Variants in ZNF740 observed in about 807,000 individuals in gnomAD.
The protein encoded by ZNF740 is zinc finger protein 740, also known as oriLyt TD-element-binding protein 7.
Under a neutral mutation model 24.8 loss-of-function variants are expected in ZNF740, and 14 were observed. The ratio of observed to expected loss-of-function variants is 0.56; its 90% CI spans 0.37 to 0.88. The LOEUF is 0.88. Ranked by LOEUF, ZNF740 falls within the 40% of genes least tolerant of loss-of-function variation. The pLI is 0.00. For missense variants in ZNF740, 201 were observed against 247.9 expected, an observed-to-expected ratio of 0.81 and a Z score of 1.27; for synonymous variants, 69 against 84.0, an observed-to-expected ratio of 0.82 and a Z score of 0.98.
intron 1 of ZNF740, 43 bp downstream of exon 1, chr12:53,180,880 GGCAGC>G: frequency 8.3e-7 from 1 of 1,203,502 alleles, no homozygotes; most frequent in Non-Finnish European, 1.1e-6. Context: ...CCGTACAGAC[GGCAGC>G]GCTTCAGTAG....
chr12:53,189,340 TGCCAAGCTG>T lies in ZNF740; in HGVS notation c.*1751_*1759del, dbSNP rs1160987767. The T allele has an allele frequency of 2.0e-5, 3 of 151,136 alleles. No individual in the cohort carries two copies. Among genetic ancestry groups the T allele is most frequent in the African/African-American group, 7.3e-5 (3 of 41,044 alleles). The allele number at this position is 151,136 out of a possible 1,614,324, so 9.4% of individuals were successfully genotyped here. On this transcript the variant is annotated 3_prime_UTR_variant, in exon 7 of 7. Coordinates refer to ENST00000416904, the MANE Select transcript of ZNF740 (RefSeq NM_001004304.4). The stretch of plus-strand genomic sequence containing the variant: ...ATCATGGAGACTGGCTGAACCTGAG[TGCCAAGCTG>T]TCAGTAGGGTCTGAGATGGGAAACT...
Position 53,189,826 on chromosome 12 carries a change from G to A in ZNF740, c.*2236G>A, listed in dbSNP as rs1313033797. The A allele has an allele frequency of 2.0e-5, 3 of 152,108 alleles. No homozygotes were observed. The highest frequency in any genetic ancestry group is 4.4e-5 in the Non-Finnish European group (3 of 68,014). 9.4% of individuals were successfully genotyped at this position (152,108 alleles called of 1,614,324 possible). On this transcript the variant is annotated 3_prime_UTR_variant, in exon 7 of 7. Transcript: ENST00000416904. ...CCTGTAAACCATTTTAAAATATTTA[G>A]AAAACTATCCTCCCAAAAATGCTTT...
At position 53,180,748 on chromosome 12, in the gene ZNF740, G is replaced by A. The variant is rs1941545775; in HGVS notation, c.-397G>A. ...TAAACTTGCCTCGGTCCCGGTGGGG[G>A]CAGCCGCGGCGGTGGGGTTGGCAGG... On this transcript the variant is annotated 5_prime_UTR_variant, in exon 1 of 7. Coordinates refer to ENST00000416904, the MANE Select transcript of ZNF740 (RefSeq NM_001004304.4). 7.9e-7 allele frequency: 1 copy of A among 1,266,314 alleles called. No individual in the cohort carries two copies. The highest frequency in any genetic ancestry group is 1.0e-6 in the Non-Finnish European group (1 of 977,940). The allele number at this position is 1,266,314 out of a possible 1,614,324, so 78.4% of individuals were successfully genotyped here.
intron 2 of ZNF740, among the ~76,000 whole-genome samples, chr12:53,183,425 GTAC>G (rs1941741041): frequency 6.6e-6 from 1 of 152,148 alleles, no homozygotes; most frequent in Admixed American, 6.5e-5. Context: ...GTCCCAGAAC[GTAC>G]TGATCATCTA....
At position 53,194,837 on chromosome 12, in the gene ZNF740, C is replaced by T. The variant is rs1942101134; in HGVS notation, c.*7247C>T. On this transcript the variant is annotated 3_prime_UTR_variant, in exon 7 of 7. Coordinates refer to ENST00000416904, the MANE Select transcript of ZNF740 (RefSeq NM_001004304.4). ...CTAAGAATTTTTATGGTTCCTTCTA[C>T]CTGTAAAATTCTATGGTTCTTGTGA... is the stretch of plus-strand genomic sequence containing the variant. 1 of 167,904 alleles carries T rather than the reference C, an allele frequency of 6.0e-6. No individual in the cohort carries two copies. Among genetic ancestry groups the T allele is most frequent in the South Asian group, 1.5e-4 (1 of 6,790 alleles). The allele number at this position is 167,904 out of a possible 1,614,324, so 10.4% of individuals were successfully genotyped here. A position where few individuals can be genotyped will look rare whatever the true frequency, so the allele number is the denominator to read the frequency against.
rs1460853500 is a variant in ZNF740, at chr12:53,189,043, G to T, written c.*1453G>T. 6.6e-6 allele frequency: 1 copy of T among 152,140 alleles called. No homozygotes were observed. Among genetic ancestry groups the T allele is most frequent in the Non-Finnish European group, 1.5e-5 (1 of 67,998 alleles). The allele number at this position is 152,140 out of a possible 1,614,324, so 9.4% of individuals were successfully genotyped here. On this transcript the variant is annotated 3_prime_UTR_variant, in exon 7 of 7. Coordinates refer to ENST00000416904, the MANE Select transcript of ZNF740 (RefSeq NM_001004304.4). ...TAGCCTCCTCTTGCCCAAACATGAA[G>T]GGTGCTTGAGGTCTCAGCAGGAGCT...
At chr12:53,182,168 G>A (rs1320205482) in intron 2 of ZNF740, 176 bp downstream of exon 2, 1 of 852,542 alleles carries the variant, frequency 1.2e-6, no homozygotes, top group Non-Finnish European at 1.8e-6. Context: ...TGCCTTCAGG[G>A]AGCTTCCAGT....
chr12:53,186,653 G>A, intron 6 of ZNF740, 144 bp downstream of exon 6: 2 of 593,270 alleles, frequency 3.4e-6, no homozygotes, highest in Admixed American at 2.9e-5. Flanking sequence ...GCATCTGTCT[G>A]GCCTTATGCA....
In ZNF740 at chr12:53,191,782, A is replaced by T; in HGVS notation, c.*4192A>T. The T allele has an allele frequency of 3.8e-6, 6 of 1,589,676 alleles. No individual in the cohort carries two copies. The highest frequency in any genetic ancestry group is 1.7e-4 in the Middle Eastern group (1 of 6,022). On this transcript the variant is annotated 3_prime_UTR_variant, in exon 7 of 7. Transcript: ENST00000416904. The stretch of plus-strand genomic sequence containing the variant: ...GTTACATGTGCCAGGGGCTGGGGGA[A>T]CCCAGTGGGAGGAATCAGGGCTGGT...
rs1592391075 is a variant in ZNF740 at position 53,189,614 on chromosome 12, A to G, written c.*2024A>G. 1.3e-5 allele frequency: 2 copies of G among 152,134 alleles called. No individual in the cohort carries two copies. 9.4% of individuals were successfully genotyped at this position (152,134 alleles called of 1,614,324 possible). A position where few individuals can be genotyped will look rare whatever the true frequency, so the allele number is the denominator to read the frequency against. On this transcript the variant is annotated 3_prime_UTR_variant, in exon 7 of 7. Transcript: ENST00000416904. ...TGCTGCCATGTACTCTTACAGCTCT[A>G]TGCTGACACTCCCATTTGATGTGGT...
intron 2 of ZNF740, among the ~76,000 whole-genome samples, chr12:53,184,025 A>C (rs1456751653): frequency 6.6e-6 from 1 of 151,688 alleles, no homozygotes; most frequent in African/African-American, 2.4e-5. Context: ...CCCTGTCTCA[A>C]CCAACAAGCA....
chr12:53,182,014 C>T (rs1324295701), intron 2 of ZNF740, 22 bp downstream of exon 2: 2 of 1,605,734 alleles, frequency 1.2e-6, no homozygotes, highest in Non-Finnish European at 8.5e-7. Context: ...TAGAGTCCTC[C>T]TCCAAGATAA....
At chr12:53,185,522 G>A (rs371934752) in intron 4 of ZNF740, 46 bp downstream of exon 4, 452 of 1,553,678 alleles carry the variant, frequency 2.9e-4, no homozygotes, top group Non-Finnish European at 3.3e-4. Context: ...TTGGTAATGG[G>A]GTAATATTCC....
chr12:53,184,150 T>TGTGTGTGCGCGCAC (rs59250662), intron 2 of ZNF740, among the ~76,000 whole-genome samples: 2 of 104,346 alleles, frequency 1.9e-5, no homozygotes, highest in African/African-American at 7.5e-5. Context: ...TGTGTGTGTG[T>TGTGTGTGCGCGCAC]GCGCGCGCGC....
chr12:53,189,023 T>G lies in ZNF740; in HGVS notation c.*1433T>G, dbSNP rs899735356. The stretch of plus-strand genomic sequence containing the variant: ...CAGGGAGGATGAGTGGAAAATAGCC[T>G]CCTCTTGCCCAAACATGAAGGGTGC... On this transcript the variant is annotated 3_prime_UTR_variant, in exon 7 of 7. Coordinates refer to ENST00000416904, the MANE Select transcript of ZNF740 (RefSeq NM_001004304.4). 7 of 151,972 alleles carry G rather than the reference T, an allele frequency of 4.6e-5. No individual in the cohort carries two copies. The highest frequency in any genetic ancestry group is 1.3e-4 in the Admixed American group (2 of 15,272). The allele number at this position is 151,972 out of a possible 1,614,324, so 9.4% of individuals were successfully genotyped here. A position where few individuals can be genotyped will look rare whatever the true frequency, so the allele number is the denominator to read the frequency against.
At chr12:53,186,531 A>G (rs1941824557) in intron 6 of ZNF740, 22 bp downstream of exon 6, 2 of 1,530,220 alleles carry the variant, frequency 1.3e-6, no homozygotes, top group Admixed American at 3.9e-5. Context: ...CCCTGCTACA[A>G]TACCCCACAC....
chr12:53,185,162 T>C lies in ZNF740; in HGVS notation c.159+122T>C, dbSNP rs555058100. 3 of 1,457,826 alleles carry C rather than the reference T, an allele frequency of 2.1e-6. No individual in the cohort carries two copies. In the African/African-American group the frequency reaches 4.2e-5, roughly 20 times the overall value. 90.3% of individuals were successfully genotyped at this position (1,457,826 alleles called of 1,614,324 possible). ...GGGAAGTGGGGCAAGGGGATCCAACTGGGGAATGGATGAACATTGGTATTT... is the reference window on the plus strand; with the variant it reads ...GGGAAGTGGGGCAAGGGGATCCAACCGGGGAATGGATGAACATTGGTATTT... On this transcript the variant is annotated intron_variant, in intron 3 of 6. Transcript: ENST00000416904.
At chr12:53,185,138 G>A in intron 3 of ZNF740, 98 bp downstream of exon 3, 1 of 1,562,814 alleles carries the variant, frequency 6.4e-7, no homozygotes, top group Admixed American at 1.7e-5. Context: ...TTCCTCATAG[G>A]GAAGTGGGGC....
At chr12:53,183,113 C>T (rs914860191) in intron 2 of ZNF740, among the ~76,000 whole-genome samples, 1 of 152,218 alleles carries the variant, frequency 6.6e-6, no homozygotes, top group Non-Finnish European at 1.5e-5. Flanking sequence ...AGAATAGGAG[C>T]CTGTCAGTTT....
Sources: allele counts gnomAD v4.1 joint callset (sites outside exome capture counted in the v4.1 genomes callset), GRCh38; gene constraint gnomAD v4.1.1; transcripts MANE v1.5; gene names NCBI Gene and HGNC (gene_info 2026-07-23, HGNC 2026-07-21).